Variants in TMEM135 observed in about 807,000 individuals in gnomAD.
TMEM135 encodes the protein peroxisomal membrane protein 52.
TMEM135 carries 30 observed loss-of-function variants against 60.3 expected under a neutral mutation model. The observed-to-expected ratio is 0.50, with a 90% CI of 0.37 to 0.68. The LOEUF is 0.68. Ranked by LOEUF, TMEM135 falls within the 30% of genes least tolerant of loss-of-function variation. The pLI is 0.00. For synonymous variants in TMEM135, 190 were observed against 186.7 expected, an observed-to-expected ratio of 1.02 and a Z score of -0.14; for missense variants, 468 against 548.8, an observed-to-expected ratio of 0.85 and a Z score of 1.47.
chr11:87,325,819 C>A lies in TMEM135; in HGVS notation c.*4486C>A. 2.2e-6 allele frequency: 1 copy of A among 453,836 alleles called. No individual in the cohort carries two copies. Among genetic ancestry groups the A allele is most frequent in the Non-Finnish European group, 4.4e-6 (1 of 226,752 alleles). 28.1% of individuals were successfully genotyped at this position (453,836 alleles called of 1,614,324 possible). A position where few individuals can be genotyped will look rare whatever the true frequency, so the allele number is the denominator to read the frequency against. On this transcript the variant is annotated 3_prime_UTR_variant, in exon 15 of 15. Transcript: ENST00000305494. ...CCTTTAAATCCAGAACAATTAATTT[C>A]TTCTCTTCTTAAAACCCCGTAACAT... is the stretch of plus-strand genomic sequence containing the variant.
At chr11:87,234,193 A>G (rs1246414825) in intron 5 of TMEM135, among the ~76,000 whole-genome samples, 2 of 151,976 alleles carry the variant, frequency 1.3e-5, no homozygotes, top group African/African-American at 4.8e-5. Context: ...ACCACTTTGT[A>G]TAAAATAACA....
chr11:87,257,553 T>C (rs1480638938), intron 6 of TMEM135, among the ~76,000 whole-genome samples: 1 of 152,220 alleles, frequency 6.6e-6, no homozygotes, highest in Non-Finnish European at 1.5e-5. Context: ...CTCATGGGGT[T>C]ATTGTATTGA....
At position 87,237,592 on chromosome 11, in the gene TMEM135, TG is replaced by T. The variant is rs140600081; in HGVS notation, c.509+912del. On this transcript the variant is annotated intron_variant, in intron 6 of 14. Coordinates refer to ENST00000305494, the MANE Select transcript of TMEM135 (RefSeq NM_022918.4). ...AAAAAATTTTTATTTTTAATTTTTG[TG>T]GGGACATAGTAGTTGTACATGAGAT... Among the ~76,000 whole-genome samples, 281 of 152,108 alleles carry T rather than the reference TG, an allele frequency of 1.8e-3. 6 individuals carry two copies. In the East Asian group the frequency reaches 0.051, roughly 28 times the overall value.
chr11:87,323,102 A>T lies in TMEM135; in HGVS notation c.*1769A>T. 1 of 453,684 alleles carries T rather than the reference A, an allele frequency of 2.2e-6. No homozygotes were observed. Among genetic ancestry groups the T allele is most frequent in the South Asian group, 1.6e-5 (1 of 64,078 alleles). 28.1% of individuals were successfully genotyped at this position (453,684 alleles called of 1,614,324 possible). On this transcript the variant is annotated 3_prime_UTR_variant, in exon 15 of 15. Transcript: ENST00000305494. ...GTTTAAAAAGATGTTTTAATTCATAAATTATTGTTTTCATTGACATTAAAA... is the reference window on the plus strand; with the variant it reads ...GTTTAAAAAGATGTTTTAATTCATATATTATTGTTTTCATTGACATTAAAA...
At chr11:87,301,311 TG>T (rs575164589) in intron 7 of TMEM135, among the ~76,000 whole-genome samples, 193 of 152,252 alleles carry the variant, frequency 1.3e-3, no homozygotes, top group African/African-American at 4.5e-3. Flanking sequence ...TGAAGTGCAG[TG>T]GCATGATCAT....
intron 4 of TMEM135, among the ~76,000 whole-genome samples, chr11:87,102,167 C>T (rs1857472935): frequency 6.6e-6 from 1 of 152,120 alleles, no homozygotes; most frequent in Admixed American, 6.6e-5. Context: ...GTTGAGGGCT[C>T]AGTTTCATAA....
chr11:87,076,617 A>G (rs1856878956), intron 3 of TMEM135, among the ~76,000 whole-genome samples: 2 of 152,222 alleles, frequency 1.3e-5, no homozygotes, highest in South Asian at 4.1e-4. Flanking sequence ...GTCTTTTGCC[A>G]TAGCCAGCCA....
chr11:87,289,175 T>A (rs552618313), intron 6 of TMEM135, among the ~76,000 whole-genome samples: 1 of 152,202 alleles, frequency 6.6e-6, no homozygotes, highest in African/African-American at 2.4e-5. Context: ...TTTTAAAAAA[T>A]TGAGAAATAA....
intron 6 of TMEM135, among the ~76,000 whole-genome samples, chr11:87,258,107 T>TTA (rs1387852376): frequency 6.6e-6 from 1 of 151,946 alleles, no homozygotes; most frequent in Non-Finnish European, 1.5e-5. Flanking sequence ...TCTGCATATA[T>TTA]TATATATATT....
intron 4 of TMEM135, among the ~76,000 whole-genome samples, chr11:87,154,789 C>A (rs542524721): frequency 1.5e-4 from 10 of 66,704 alleles, no homozygotes; most frequent in African/African-American, 6.0e-4. Flanking sequence ...GGATAAATTT[C>A]TTCAAGTCCT....
chr11:87,189,603 C>G (rs1446766777), intron 5 of TMEM135, among the ~76,000 whole-genome samples: 1 of 152,016 alleles, frequency 6.6e-6, no homozygotes. Context: ...AGTATACATT[C>G]TGAAACTACT....
At chr11:87,248,214 C>T (rs1427751102) in intron 6 of TMEM135, among the ~76,000 whole-genome samples, 3 of 152,088 alleles carry the variant, frequency 2.0e-5, no homozygotes, top group African/African-American at 7.2e-5. Context: ...TGGGAGTACA[C>T]CTAGCAGTGA....
At chr11:87,129,415 G>A (rs1488701182) in intron 4 of TMEM135, among the ~76,000 whole-genome samples, 1 of 151,366 alleles carries the variant, frequency 6.6e-6, no homozygotes, top group Non-Finnish European at 1.5e-5. Context: ...GCTAATTTTT[G>A]TGTTTTTAGT....
chr11:87,318,141 T>TA lies in TMEM135; in HGVS notation c.1082_1083insA (p.Met361IlefsTer7). 6 of 1,611,552 alleles carry TA rather than the reference T, an allele frequency of 3.7e-6. No individual in the cohort carries two copies. The highest frequency in any genetic ancestry group is 5.1e-6 in the Non-Finnish European group (6 of 1,178,624). On this transcript the variant is annotated frameshift_variant, in exon 13 of 15. Coordinates refer to ENST00000305494, the MANE Select transcript of TMEM135 (RefSeq NM_022918.4). LOFTEE classifies it high-confidence loss of function. ...TGTCTTATGCTTGTTTTGCAGACAA[T>TA]GTATTTCAAAGGCATTGAAGCAGGG...
At chr11:87,308,945 G>A (rs1035077946) in intron 9 of TMEM135, among the ~76,000 whole-genome samples, 24 of 152,070 alleles carry the variant, frequency 1.6e-4, no homozygotes, top group African/African-American at 5.1e-4. Context: ...AGCCCGACAG[G>A]AATGAAAACC....
At chr11:87,264,312 C>CTTTTTCTTTTTT (rs1941710008) in intron 6 of TMEM135, among the ~76,000 whole-genome samples, 1 of 147,088 alleles carries the variant, frequency 6.8e-6, no homozygotes, top group Non-Finnish European at 1.5e-5. Context: ...TTTTTCTTTT[C>CTTTTTCTTTTTT]TTTTTTTTTG....
At chr11:87,173,072 T>TATATATTTGGGTG (rs1351877040) in intron 5 of TMEM135, among the ~76,000 whole-genome samples, 1 of 152,094 alleles carries the variant, frequency 6.6e-6, no homozygotes, top group African/African-American at 2.4e-5. Flanking sequence ...AACTCTCAAA[T>TATATATTTGGGTG]ATATATTTTT....
chr11:87,099,180 CT>C (rs1213501247), intron 4 of TMEM135, among the ~76,000 whole-genome samples: 1 of 152,086 alleles, frequency 6.6e-6, no homozygotes, highest in African/African-American at 2.4e-5. Flanking sequence ...TATTCATACA[CT>C]TATTTGAAAA....
chr11:87,190,519 T>C (rs1939774373), intron 5 of TMEM135, among the ~76,000 whole-genome samples: 1 of 152,138 alleles, frequency 6.6e-6, no homozygotes, highest in South Asian at 2.1e-4. Flanking sequence ...TTTAAAAAGG[T>C]AACTCTCTGT....
Sources: allele counts gnomAD v4.1 joint callset (sites outside exome capture counted in the v4.1 genomes callset), GRCh38; gene constraint gnomAD v4.1.1; transcripts MANE v1.5; gene names NCBI Gene and HGNC (gene_info 2026-07-23, HGNC 2026-07-21).